Variants in AGAP1 observed in about 807,000 individuals in gnomAD.
AGAP1 encodes the protein ArfGAP with GTPase domain, ankyrin repeat and PH domain 1, also known as arf-GAP with GTPase, ANK repeat and PH domain-containing protein 1.
Under a neutral mutation model 105.3 loss-of-function variants are expected in AGAP1, and 29 were observed. The ratio of observed to expected loss-of-function variants is 0.28; its 90% CI spans 0.21 to 0.38. The LOEUF (loss-of-function observed/expected upper bound fraction) is 0.38, where lower values mean the gene tolerates loss of function less well. Ranked by LOEUF, AGAP1 falls within the 10% of genes least tolerant of loss-of-function variation. AGAP1 has a pLI of 1.00. For missense variants in AGAP1, 998 were observed against 1,165.1 expected, an observed-to-expected ratio of 0.86 and a Z score of 2.09; for synonymous variants, 509 against 485.9, an observed-to-expected ratio of 1.05 and a Z score of -0.63.
chr2:235,809,035 C>G (rs893679061), intron 9 of AGAP1, among the ~76,000 whole-genome samples: 7 of 152,118 alleles, frequency 4.6e-5, no homozygotes, highest in Non-Finnish European at 7.3e-5. Flanking sequence ...GGTACCAGGA[C>G]ATTTCCTTTG....
intron 11 of AGAP1, among the ~76,000 whole-genome samples, chr2:235,926,875 C>A (rs2052474897): frequency 6.6e-6 from 1 of 152,144 alleles, no homozygotes; most frequent in African/African-American, 2.4e-5. Flanking sequence ...GCTGTCAGCT[C>A]TTTGTTCATA....
chr2:235,602,143 G>T (rs1438427661), intron 1 of AGAP1, among the ~76,000 whole-genome samples: 1 of 152,192 alleles, frequency 6.6e-6, no homozygotes, highest in Non-Finnish European at 1.5e-5. Context: ...AGTTTCTGTG[G>T]TTTTAAGTAG....
chr2:235,867,026 C>T lies in AGAP1; in HGVS notation c.1051-16319C>T, dbSNP rs1276278048. 1.3e-5 allele frequency among the ~76,000 whole-genome samples: 2 copies of T among 152,112 alleles called. No homozygotes were observed. The highest frequency in any genetic ancestry group is 4.8e-5 in the African/African-American group (2 of 41,400). On this transcript the variant is annotated intron_variant, in intron 9 of 17. Transcript: ENST00000304032. This position sits in a 1 kb window ranked among gnomAD's most constrained non-coding sequence, Gnocchi z 5.4. ...TAATAGTCATCGTCTAAGGGATGGG[C>T]GTCGGGGGGTGCTTGCTTATGCGGA...
chr2:235,730,978 G>A (rs1951915906), intron 3 of AGAP1, among the ~76,000 whole-genome samples: 1 of 152,012 alleles, frequency 6.6e-6, no homozygotes, highest in South Asian at 2.1e-4. Flanking sequence ...CCAACCCCCA[G>A]CCCCTAGCCC....
intron 16 of AGAP1, among the ~76,000 whole-genome samples, chr2:236,102,184 A>G (rs370804427): frequency 1.8e-3 from 276 of 151,994 alleles, no homozygotes; most frequent in Middle Eastern, 0.014. Context: ...TTGGGAGGCC[A>G]AGGCGGGCGG....
Position 235,867,720 on chromosome 2 carries a change from C to T in AGAP1, c.1051-15625C>T, listed in dbSNP as rs1174778983. Among the ~76,000 whole-genome samples, 1 of 152,102 alleles carries T rather than the reference C, an allele frequency of 6.6e-6. No homozygotes were observed. The highest frequency in any genetic ancestry group is 6.5e-5 in the Admixed American group (1 of 15,270). On this transcript the variant is annotated intron_variant, in intron 9 of 17. Coordinates refer to ENST00000304032, the MANE Select transcript of AGAP1 (RefSeq NM_001037131.3). The surrounding 1 kb of genome is among the most constrained non-coding windows in gnomAD (Gnocchi z 5.4). ...GGCAAAAGCAAGATGACTAAGTGTT[C>T]GTTACGGAAAAGTGGGATGTCAGGG...
At position 235,923,592 on chromosome 2, in the gene AGAP1, C is replaced by T. The variant is rs538731338; in HGVS notation, c.1325-7173C>T. ...TAGATGGGTTTCGCCTGTCCTTGGA[C>T]GGGATCCTAACAGTTGGCACTCTCG... On this transcript the variant is annotated intron_variant, in intron 11 of 17. Coordinates refer to ENST00000304032, the MANE Select transcript of AGAP1 (RefSeq NM_001037131.3). Among the ~76,000 whole-genome samples, 24 of 146,636 alleles carry T rather than the reference C, an allele frequency of 1.6e-4. No individual in the cohort carries two copies. In the East Asian group the frequency reaches 3.1e-3, roughly 19 times the overall value.
intron 9 of AGAP1, among the ~76,000 whole-genome samples, chr2:235,817,908 G>T (rs1170106057): frequency 6.6e-6 from 1 of 152,088 alleles, no homozygotes; most frequent in Non-Finnish European, 1.5e-5. Context: ...AGAAGAGTTT[G>T]TTAGTTTGGG....
Position 235,721,085 on chromosome 2 carries a change from C to A in AGAP1, c.310+3441C>A. On this transcript the variant is annotated intron_variant, in intron 3 of 17. Coordinates refer to ENST00000304032, the MANE Select transcript of AGAP1 (RefSeq NM_001037131.3). The surrounding 1 kb of genome is among the most constrained non-coding windows in gnomAD (Gnocchi z 4.5). Reference sequence around the variant, plus strand: ...TGCAGTGGCGTGATCTCAGCTCACTCCAACCTCTGCCTCCAGGATTCAAGT... The same window carrying A: ...TGCAGTGGCGTGATCTCAGCTCACTACAACCTCTGCCTCCAGGATTCAAGT... 6.6e-6 allele frequency among the ~76,000 whole-genome samples: 1 copy of A among 152,106 alleles called. No homozygotes were observed. The highest frequency in any genetic ancestry group is 1.9e-4 in the East Asian group (1 of 5,184).
intron 6 of AGAP1, among the ~76,000 whole-genome samples, chr2:235,786,543 T>G (rs1956647237): frequency 1.3e-5 from 2 of 152,218 alleles, no homozygotes; most frequent in Non-Finnish European, 2.9e-5. Context: ...AATAATGAAT[T>G]ATAGTTGGGC....
intron 1 of AGAP1, among the ~76,000 whole-genome samples, chr2:235,694,249 G>A (rs1949886024): frequency 6.7e-6 from 1 of 149,630 alleles, no homozygotes; most frequent in Non-Finnish European, 1.5e-5. Flanking sequence ...GGAGGCCGAG[G>A]CGGGCGGATC....
chr2:235,711,454 C>T (rs764083035), intron 2 of AGAP1, among the ~76,000 whole-genome samples: 6 of 152,198 alleles, frequency 3.9e-5, no homozygotes, highest in Non-Finnish European at 8.8e-5. Context: ...GAATATCTGC[C>T]CAGAGCTGTA....
chr2:235,694,647 C>A (rs1949911992), intron 1 of AGAP1, among the ~76,000 whole-genome samples: 1 of 150,160 alleles, frequency 6.7e-6, no homozygotes, highest in South Asian at 2.1e-4. Flanking sequence ...GACTCCGCCT[C>A]AGGGAGAAAA....
intron 16 of AGAP1, among the ~76,000 whole-genome samples, chr2:236,068,091 G>A (rs2058393306): frequency 6.6e-6 from 1 of 152,128 alleles, no homozygotes; most frequent in South Asian, 2.1e-4. Context: ...GGCCAACATG[G>A]TGAAACCCCA....
intron 6 of AGAP1, among the ~76,000 whole-genome samples, chr2:235,757,909 T>C (rs1954065598): frequency 6.6e-6 from 1 of 152,228 alleles, no homozygotes; most frequent in South Asian, 2.1e-4. Context: ...TCTGTGAATG[T>C]AAGCAGTCTT....
chr2:235,544,424 G>A (rs1416476210), intron 1 of AGAP1, among the ~76,000 whole-genome samples: 1 of 152,230 alleles, frequency 6.6e-6, no homozygotes, highest in Non-Finnish European at 1.5e-5. Flanking sequence ...TAGAAGGAAA[G>A]GATACTCTTT....
intron 9 of AGAP1, among the ~76,000 whole-genome samples, chr2:235,808,436 T>C (rs1346215353): frequency 6.6e-6 from 1 of 152,028 alleles, no homozygotes; most frequent in East Asian, 1.9e-4. Flanking sequence ...TTGAAGCAAA[T>C]AGGAACGCAG....
chr2:236,032,770 C>T (rs79208494), intron 13 of AGAP1, among the ~76,000 whole-genome samples: 1 of 152,148 alleles, frequency 6.6e-6, no homozygotes, highest in South Asian at 2.1e-4. Flanking sequence ...GTGAGGAAAC[C>T]ATGCCAAATC....
At position 235,744,660 on chromosome 2, in the gene AGAP1, A is replaced by G. The variant is rs763866531; in HGVS notation, c.397-38A>G. 8 of 1,612,660 alleles carry G rather than the reference A, an allele frequency of 5.0e-6. No individual in the cohort carries two copies. The highest frequency in any genetic ancestry group is 1.3e-5 in the African/African-American group (1 of 74,818). ...TCTCTGTTCTTAATCAAGCCTGCTC[A>G]CTCAGCTCCTGCTCTCCTCCCCTTC... is the stretch of plus-strand genomic sequence containing the variant. On this transcript the variant is annotated intron_variant, in intron 4 of 17. Coordinates refer to ENST00000304032, the MANE Select transcript of AGAP1 (RefSeq NM_001037131.3). The surrounding 1 kb of genome is among the most constrained non-coding windows in gnomAD (Gnocchi z 5.2).
Sources: gnomAD v4.1 joint callset for allele counts (sites outside exome capture counted in the v4.1 genomes callset) on GRCh38, gnomAD v4.1.1 for gene constraint, Gnocchi (gnomAD v3.1) non-coding constraint, MANE v1.5 for transcripts, NCBI Gene and HGNC (gene_info 2026-07-23, HGNC 2026-07-21) for gene names.